Variants in C2orf66 observed in about 807,000 individuals in gnomAD.
C2orf66 encodes uncharacterized protein C2orf66.
In C2orf66, 6 loss-of-function variants were observed where a neutral mutation model predicts 7.0. That is an observed-to-expected ratio of 0.86 (90% CI 0.47 to 1.69). The LOEUF is 1.69. Ranked by LOEUF, C2orf66 falls within the 40% of genes most tolerant of loss-of-function variation. The pLI is 0.01. For missense variants in C2orf66, 107 were observed against 112.0 expected (o/e 0.96, Z 0.20); for synonymous variants, 38 against 43.8 (o/e 0.87, Z 0.52).
the C2orf66 span, among the ~76,000 whole-genome samples, chr2:196,820,440 GGCTTACTATCAAACTTTAA>G: frequency 6.6e-6 from 1 of 152,050 alleles, no homozygotes; most frequent in Non-Finnish European, 1.5e-5. Flanking sequence ...TTAGATTTCT[GGCTTACTATCAAACTTTAA>G]GGATGGCTTG....
At chr2:196,815,642 C>G in the C2orf66 span, among the ~76,000 whole-genome samples, 1 of 152,168 alleles carries the variant, frequency 6.6e-6, no homozygotes, top group African/African-American at 2.4e-5. Context: ...CACAGAACCA[C>G]ACACATGAAA....
the C2orf66 span, among the ~76,000 whole-genome samples, chr2:196,825,826 A>C: frequency 6.6e-6 from 1 of 152,232 alleles, no homozygotes; most frequent in Admixed American, 6.5e-5. Context: ...AGATGGCTGC[A>C]CACAGTCCAT....
the C2orf66 span, among the ~76,000 whole-genome samples, chr2:196,818,123 T>C: frequency 1.3e-5 from 2 of 152,358 alleles, no homozygotes; most frequent in East Asian, 3.9e-4. Context: ...TAAATGTCCA[T>C]GAAATCTTCA....
At chr2:196,809,403 G>A (rs772431876), upstream of C2orf66, 38 of 1,597,254 alleles carry the variant, frequency 2.4e-5, no homozygotes, top group Non-Finnish European at 2.8e-5. Flanking sequence ...GAGATAGTCA[G>A]GGAAGAGAGA....
At chr2:196,813,231 T>C (rs1461308108), upstream of C2orf66, among the ~76,000 whole-genome samples, 1 of 152,022 alleles carries the variant, frequency 6.6e-6, no homozygotes, top group East Asian at 1.9e-4. Flanking sequence ...AAAACAAATA[T>C]ATAGACCAAT....
At chr2:196,822,394 T>TCAAAAGTG in the C2orf66 span, among the ~76,000 whole-genome samples, 1 of 152,288 alleles carries the variant, frequency 6.6e-6, no homozygotes, top group Middle Eastern at 3.4e-3. Flanking sequence ...TACTCCCCCT[T>TCAAAAGTG]CAAAAGTGCA....
chr2:196,822,462 GC>G, the C2orf66 span, among the ~76,000 whole-genome samples: 2 of 152,106 alleles, frequency 1.3e-5, no homozygotes, highest in African/African-American at 4.8e-5. Context: ...GCTTCTTTAC[GC>G]CAGAACTCTG....
the C2orf66 span, among the ~76,000 whole-genome samples, chr2:196,814,477 C>T: frequency 2.6e-5 from 4 of 151,884 alleles, no homozygotes; most frequent in Admixed American, 1.3e-4. Context: ...ATGTAGATGA[C>T]GAGTTGATGA....
At position 196,809,300 on chromosome 2, in the gene C2orf66, G is replaced by T. The variant is rs763262562; in HGVS notation, c.37C>A (p.Leu13Met). The change falls in exon 1 of 3, where the codon CTG becomes ATG. Residue 13 changes from leucine (L) to methionine (M), a missense_variant. Transcript: ENST00000342506. ...RAPLLLLCVA[L>M]VLLGHVNGAT... is the part of the protein sequence containing the mutation. ...CCATTCACATGCCCAAGCAGCACCA[G>T]GGCAACACATAGTAGCAGGAGAGGT... The T allele has an allele frequency of 6.2e-7, 1 of 1,614,064 alleles. No homozygotes were observed. The highest frequency in any genetic ancestry group is 8.5e-7 in the Non-Finnish European group (1 of 1,179,998).
At chr2:196,827,616 ACTGAACT>A in the C2orf66 span, among the ~76,000 whole-genome samples, 1 of 152,178 alleles carries the variant, frequency 6.6e-6, no homozygotes, top group South Asian at 2.1e-4. Flanking sequence ...ACACCTTCTC[ACTGAACT>A]TATGTAGTTG....
the C2orf66 span, among the ~76,000 whole-genome samples, chr2:196,819,969 T>C: frequency 6.6e-6 from 1 of 152,158 alleles, no homozygotes; most frequent in African/African-American, 2.4e-5. Flanking sequence ...CACAAACCAA[T>C]AGAGACTGGG....
chr2:196,830,497 G>A, the C2orf66 span, among the ~76,000 whole-genome samples: 1 of 152,194 alleles, frequency 6.6e-6, no homozygotes, highest in Non-Finnish European at 1.5e-5. Flanking sequence ...AGGTATAAAA[G>A]CTGGGTTCCA....
chr2:196,828,230 TCACACACACACA>T, the C2orf66 span, among the ~76,000 whole-genome samples: 1,242 of 125,150 alleles, frequency 9.9e-3, 21 homozygotes, highest in African/African-American at 0.031. Flanking sequence ...TCTCTCTCTC[TCACACACACACA>T]CACACACACA....
chr2:196,831,561 C>T, the C2orf66 span, among the ~76,000 whole-genome samples: 4 of 152,250 alleles, frequency 2.6e-5, no homozygotes, highest in East Asian at 3.9e-4. Context: ...ATAGAGACCC[C>T]GGATGGGTCC....
At chr2:196,823,541 C>T in the C2orf66 span, among the ~76,000 whole-genome samples, 1 of 152,004 alleles carries the variant, frequency 6.6e-6, no homozygotes, top group Non-Finnish European at 1.5e-5. Context: ...AGGAGGATCA[C>T]TTGAACCTGG....
chr2:196,816,704 G>T, the C2orf66 span, among the ~76,000 whole-genome samples: 1 of 151,720 alleles, frequency 6.6e-6, no homozygotes, highest in Non-Finnish European at 1.5e-5. Flanking sequence ...AATAAAAGTT[G>T]GAAAAAAATG....
upstream of C2orf66, among the ~76,000 whole-genome samples, chr2:196,811,861 T>C (rs1233562141): frequency 2.0e-5 from 3 of 152,324 alleles, no homozygotes; most frequent in Non-Finnish European, 2.9e-5. Flanking sequence ...AACAGCCACA[T>C]ACAGGAATCT....
the C2orf66 span, among the ~76,000 whole-genome samples, chr2:196,819,843 T>C: frequency 7.9e-5 from 12 of 152,260 alleles, no homozygotes; most frequent in Non-Finnish European, 1.5e-4. Context: ...ATTTACATAA[T>C]GTCATATTTT....
rs1442753991 is a variant in C2orf66, at chr2:196,805,239, G to T, written c.*189C>A. On this transcript the variant is annotated 3_prime_UTR_variant, in exon 3 of 3. Transcript: ENST00000342506. ...GAAAAAAACTCCATAAATATGCATA[G>T]AAATCATAGTTCCAGCGATTTATAT... is the stretch of plus-strand genomic sequence containing the variant. 1 of 152,072 alleles carries T rather than the reference G, an allele frequency of 6.6e-6. No individual in the cohort carries two copies. Among genetic ancestry groups the T allele is most frequent in the East Asian group, 1.9e-4 (1 of 5,192 alleles). The allele number at this position is 152,072 out of a possible 1,614,324, so 9.4% of individuals were successfully genotyped here. A position where few individuals can be genotyped will look rare whatever the true frequency, so the allele number is the denominator to read the frequency against.
Sources: allele counts gnomAD v4.1 joint callset (sites outside exome capture counted in the v4.1 genomes callset), GRCh38; gene constraint gnomAD v4.1.1; transcripts MANE v1.5; gene names NCBI Gene and HGNC (gene_info 2026-07-23, HGNC 2026-07-21).